Variants in PTPRD observed in about 807,000 individuals in gnomAD.
PTPRD encodes protein tyrosine phosphatase receptor type D.
Under a neutral mutation model 214.5 loss-of-function variants are expected in PTPRD, and 34 were observed. The ratio of observed to expected loss-of-function variants is 0.16; its 90% CI spans 0.12 to 0.21. The LOEUF is 0.21. Among genes scored for constraint, PTPRD ranks in the 10% least tolerant of loss-of-function variants. The pLI, the probability that PTPRD is intolerant of heterozygous loss-of-function variation, is 1.00. For synonymous variants in PTPRD, 1,128 were observed against 845.7 expected, an observed-to-expected ratio of 1.33 and a Z score of -5.79; for missense variants, 2,545 against 2,398.7, an observed-to-expected ratio of 1.06 and a Z score of -1.27.
At chr9:8,333,671 T>C (rs1843684484) in intron 43 of PTPRD, among the ~76,000 whole-genome samples, 2 of 152,146 alleles carry the variant, frequency 1.3e-5, no homozygotes, top group South Asian at 4.1e-4. Context: ...CCAGCCAGCA[T>C]CATAATGACA....
chr9:10,583,293 A>G (rs1293957479), intron 2 of PTPRD, among the ~76,000 whole-genome samples: 2 of 152,176 alleles, frequency 1.3e-5, no homozygotes, highest in African/African-American at 4.8e-5. Flanking sequence ...ACAAAAGCTA[A>G]CATGTGAGAT....
At chr9:9,348,152 T>C (rs1437588823) in intron 9 of PTPRD, among the ~76,000 whole-genome samples, 1 of 152,164 alleles carries the variant, frequency 6.6e-6, no homozygotes, top group Non-Finnish European at 1.5e-5. Flanking sequence ...CATATTTGAA[T>C]TTGATTTGGT....
Position 9,050,273 on chromosome 9 carries a change from C to T in PTPRD, c.-142-31538G>A, listed in dbSNP as rs191871925. On this transcript the variant is annotated intron_variant, in intron 10 of 45. Coordinates refer to ENST00000381196, the MANE Select transcript of PTPRD (RefSeq NM_002839.4). ...GATAAAACTAGTCGATAAAACTAGT[C>T]ATGACACTGAAAAGTATGCAATGCA... Among the ~76,000 whole-genome samples, 4 of 152,278 alleles carry T rather than the reference C, an allele frequency of 2.6e-5. No individual in the cohort carries two copies. The East Asian group carries it at 7.7e-4, about 29-fold the overall frequency.
At chr9:10,363,407 C>T (rs781397361) in intron 2 of PTPRD, among the ~76,000 whole-genome samples, 5 of 152,190 alleles carry the variant, frequency 3.3e-5, no homozygotes, top group Admixed American at 3.3e-4. Flanking sequence ...TCTTTACACA[C>T]TTCCCTTCTT....
At chr9:8,868,463 C>G (rs1156653770) in intron 11 of PTPRD, among the ~76,000 whole-genome samples, 1 of 152,072 alleles carries the variant, frequency 6.6e-6, no homozygotes, top group East Asian at 1.9e-4. Flanking sequence ...CTTGGCCTCC[C>G]AAAGTGCTGG....
rs923421721 is a variant in PTPRD, at chr9:9,964,013, G to A, written c.-471-25403C>T. Reference sequence around the variant, plus strand: ...ATGGCACATCAGAGATTTAAAATGTGTATGAGTCAGAGAGACACAGACAGA... The same window carrying A: ...ATGGCACATCAGAGATTTAAAATGTATATGAGTCAGAGAGACACAGACAGA... On this transcript the variant is annotated intron_variant, in intron 4 of 45. Coordinates refer to ENST00000381196, the MANE Select transcript of PTPRD (RefSeq NM_002839.4). Among the ~76,000 whole-genome samples, 4 of 135,256 alleles carry A rather than the reference G, an allele frequency of 3.0e-5. No homozygotes were observed. In the East Asian group the frequency reaches 9.1e-4, roughly 31 times the overall value. The allele number at this position is 135,256 out of a possible 152,430, so 88.7% of individuals were successfully genotyped here. A position where few individuals can be genotyped will look rare whatever the true frequency, so the allele number is the denominator to read the frequency against.
At chr9:10,441,346 A>G (rs2098757121) in intron 2 of PTPRD, among the ~76,000 whole-genome samples, 1 of 151,620 alleles carries the variant, frequency 6.6e-6, no homozygotes, top group South Asian at 2.1e-4. Context: ...ACTCTTTCCT[A>G]TGTATCAGGC....
intron 5 of PTPRD, among the ~76,000 whole-genome samples, chr9:9,869,566 A>G (rs555596522): frequency 6.6e-6 from 1 of 152,252 alleles, no homozygotes; most frequent in African/African-American, 2.4e-5. Flanking sequence ...ACGGGATATA[A>G]TAGCAAGCAT....
chr9:9,879,282 T>G (rs1300273619), intron 5 of PTPRD, among the ~76,000 whole-genome samples: 5 of 152,182 alleles, frequency 3.3e-5, no homozygotes, highest in African/African-American at 1.2e-4. Context: ...GGCTATCTTG[T>G]GTGTAGGTTG....
chr9:10,085,977 G>C (rs1345672961), intron 3 of PTPRD, among the ~76,000 whole-genome samples: 2 of 151,766 alleles, frequency 1.3e-5, no homozygotes, highest in Non-Finnish European at 2.9e-5. Flanking sequence ...AATCCTAGCA[G>C]TATATTAAGC....
At chr9:9,735,285 T>C (rs2098273116) in intron 6 of PTPRD, among the ~76,000 whole-genome samples, 1 of 152,148 alleles carries the variant, frequency 6.6e-6, no homozygotes, top group Non-Finnish European at 1.5e-5. Context: ...TGCCTGCTTC[T>C]GTGTTTGAGC....
chr9:10,434,273 A>G (rs762664909), intron 2 of PTPRD, among the ~76,000 whole-genome samples: 28 of 152,044 alleles, frequency 1.8e-4, no homozygotes, highest in Middle Eastern at 3.4e-3. Context: ...GCCTTATTTC[A>G]TAATGAAAAG....
chr9:8,798,776 G>C (rs921972076), intron 11 of PTPRD, among the ~76,000 whole-genome samples: 3 of 152,128 alleles, frequency 2.0e-5, no homozygotes, highest in African/African-American at 7.2e-5. Flanking sequence ...CTAGTGCTTC[G>C]GTGATCATAT....
At chr9:8,653,857 G>T (rs1054122523) in intron 12 of PTPRD, among the ~76,000 whole-genome samples, 1 of 152,136 alleles carries the variant, frequency 6.6e-6, no homozygotes, top group African/African-American at 2.4e-5. Flanking sequence ...AAGACCAATT[G>T]CTTCACTTGT....
Position 8,689,119 on chromosome 9 carries a change from A to G in PTPRD, c.64+44661T>C, listed in dbSNP as rs141378406. Among the ~76,000 whole-genome samples the G allele has an allele frequency of 1.3e-3, 198 of 152,334 alleles. 1 individual carries two copies. Among genetic ancestry groups the G allele is most frequent in the Middle Eastern group, 6.8e-3 (2 of 294 alleles). On this transcript the variant is annotated intron_variant, in intron 12 of 45. Coordinates refer to ENST00000381196, the MANE Select transcript of PTPRD (RefSeq NM_002839.4). ...GTCTAAATCAGGCTGGGCAATCACTAAAGTGACTCTGAGAATCATCCTTAC... is the reference window on the plus strand; with the variant it reads ...GTCTAAATCAGGCTGGGCAATCACTGAAGTGACTCTGAGAATCATCCTTAC...
chr9:10,184,303 T>C (rs911833495), intron 3 of PTPRD, among the ~76,000 whole-genome samples: 97 of 152,196 alleles, frequency 6.4e-4, no homozygotes, highest in African/African-American at 2.1e-3. Context: ...CATGCGCCTG[T>C]AATCCCAGCT....
chr9:8,709,732 A>T (rs1035678382), intron 12 of PTPRD, among the ~76,000 whole-genome samples: 4 of 152,156 alleles, frequency 2.6e-5, no homozygotes, highest in Non-Finnish European at 2.9e-5. Flanking sequence ...AATAAAAAAG[A>T]AATCATTTAG....
chr9:9,641,998 A>G (rs2154366592), intron 7 of PTPRD, among the ~76,000 whole-genome samples: 1 of 151,758 alleles, frequency 6.6e-6, no homozygotes, highest in East Asian at 1.9e-4. Flanking sequence ...CACAATAGCA[A>G]AGACTTGGAA....
intron 4 of PTPRD, among the ~76,000 whole-genome samples, chr9:10,028,814 A>T (rs1170587923): frequency 1.3e-5 from 2 of 152,190 alleles, no homozygotes; most frequent in Non-Finnish European, 2.9e-5. Context: ...TTCGAGGAGA[A>T]ATTCAAGTCG....
Sources: gnomAD v4.1 joint callset for allele counts (sites outside exome capture counted in the v4.1 genomes callset) on GRCh38, gnomAD v4.1.1 for gene constraint, MANE v1.5 for transcripts, NCBI Gene and HGNC (gene_info 2026-07-23, HGNC 2026-07-21) for gene names.